CEP164: variants seen among roughly 807,000 people sequenced by gnomAD.
CEP164 encodes the protein centrosomal protein of 164 kDa.
CEP164 carries 162 observed loss-of-function variants against 182.7 expected under a neutral mutation model. The observed-to-expected ratio is 0.89, with a 90% CI of 0.78 to 1.01. CEP164 has a LOEUF of 1.01. Among genes scored for constraint, CEP164 ranks in the 50% least tolerant of loss-of-function variants. The probability of loss-of-function intolerance (pLI) is 0.00; values close to 1 mark genes in which losing one functional copy is unlikely to be tolerated. For synonymous variants in CEP164, 661 were observed against 690.0 expected, an observed-to-expected ratio of 0.96 and a Z score of 0.66; for missense variants, 1,735 against 1,790.4, an observed-to-expected ratio of 0.97 and a Z score of 0.56.
Position 117,338,673 on chromosome 11 carries a change from C to T in CEP164, c.82+5C>T, listed in dbSNP as rs1280373742. 33 of 1,607,758 alleles carry T rather than the reference C, an allele frequency of 2.1e-5. No homozygotes were observed. The highest frequency in any genetic ancestry group is 2.8e-5 in the Non-Finnish European group (33 of 1,174,324). ...CCTACATTCCTAGTGAGCAAGGTAA[C>T]AAGTCTGTGAAGAGGCCTGTGGTGT... On this transcript the variant is annotated splice_donor_5th_base_variant and intron_variant, in intron 3 of 32. Coordinates refer to ENST00000278935, the MANE Select transcript of CEP164 (RefSeq NM_014956.5).
intron 27 of CEP164, among the ~76,000 whole-genome samples, chr11:117,405,434 G>A (rs2046566327): frequency 6.6e-6 from 1 of 152,098 alleles, no homozygotes. Flanking sequence ...GTGCTTCGTG[G>A]GTGAGGCGAC....
chr11:117,371,157 C>T lies in CEP164; in HGVS notation c.843C>T (p.Pro281=). Residue 281 remains proline, a synonymous_variant, in exon 9 of 33, where the codon CCC becomes CCT. Transcript: ENST00000278935. ...CAGATGCTGCCGGTCCCCCTACTCC[C>T]TGCAAGCCCTCCAGCCCAGGTGCAG... ...LDSDAAGPPT[P]CKPSSPGADS... is the part of the protein sequence containing the mutation. 6.2e-7 allele frequency: 1 copy of T among 1,614,156 alleles called. No homozygotes were observed. Among genetic ancestry groups the T allele is most frequent in the Non-Finnish European group, 8.5e-7 (1 of 1,179,994 alleles).
chr11:117,340,498 G>A (rs1452048623), intron 3 of CEP164, among the ~76,000 whole-genome samples: 1 of 152,160 alleles, frequency 6.6e-6, no homozygotes, highest in Non-Finnish European at 1.5e-5. Flanking sequence ...CATGTTAAAT[G>A]CTGGACTTTG....
At chr11:117,338,159 T>C (rs1440234759) in intron 2 of CEP164, among the ~76,000 whole-genome samples, 2 of 152,100 alleles carry the variant, frequency 1.3e-5, no homozygotes, top group Non-Finnish European at 2.9e-5. Context: ...CAGATGGGCA[T>C]ATGTGTTGAG....
intron 1 of CEP164, among the ~76,000 whole-genome samples, chr11:117,331,750 AT>A (rs34206351): frequency 0.11 from 15,321 of 141,870 alleles, 982 homozygotes; most frequent in Non-Finnish European, 0.16. Context: ...TTGCTGGTGT[AT>A]TTTTTTTTTT....
upstream of CEP164, among the ~76,000 whole-genome samples, chr11:117,323,662 G>A (rs1184447127): frequency 6.6e-6 from 1 of 152,016 alleles, no homozygotes; most frequent in Non-Finnish European, 1.5e-5. Context: ...ATTTTTTGAG[G>A]AACCACCATA....
chr11:117,369,575 A>G (rs1461745004), intron 8 of CEP164, among the ~76,000 whole-genome samples: 1 of 152,218 alleles, frequency 6.6e-6, no homozygotes, highest in East Asian at 1.9e-4. Context: ...AATAAATGCC[A>G]TGCTTAGGGC....
intron 7 of CEP164, 104 bp from the exon 8 acceptor site, chr11:117,363,325 C>A: frequency 2.6e-6 from 2 of 762,858 alleles, no homozygotes; most frequent in Non-Finnish European, 2.2e-6. Flanking sequence ...CTGCCTGGGC[C>A]CGCCTGTCAG....
chr11:117,324,432 C>A (rs1264445648), upstream of CEP164, among the ~76,000 whole-genome samples: 1 of 148,632 alleles, frequency 6.7e-6, no homozygotes, highest in African/African-American at 2.5e-5. Flanking sequence ...GGGCAACAAA[C>A]TCCCTCTCAA....
At position 117,392,474 on chromosome 11, in the gene CEP164, G is replaced by C. The variant is rs539051934; in HGVS notation, c.2362-22G>C. On this transcript the variant is annotated intron_variant, in intron 18 of 32. Coordinates refer to ENST00000278935, the MANE Select transcript of CEP164 (RefSeq NM_014956.5). ...GTCTGTCTGAGGGTCACACTCCCCT[G>C]TGTGTGCGGGGGCCTCCTCAGGTGG... is the stretch of plus-strand genomic sequence containing the variant. 5.6e-6 allele frequency: 9 copies of C among 1,609,054 alleles called. No homozygotes were observed. In the East Asian group the frequency reaches 6.7e-5, roughly 12 times the overall value.
At chr11:117,359,650 A>G in intron 5 of CEP164, 1 of 940,356 alleles carries the variant, frequency 1.1e-6, no homozygotes, top group Non-Finnish European at 1.3e-6. Context: ...GAGGATTGGA[A>G]TTTTTGTGTC....
Position 117,387,313 on chromosome 11 carries a change from A to T in CEP164, c.1835A>T (p.Glu612Val). 6.2e-7 allele frequency: 1 copy of T among 1,614,224 alleles called. No homozygotes were observed. The highest frequency in any genetic ancestry group is 2.2e-5 in the East Asian group (1 of 44,884). Residue 612 changes from glutamate (E) to valine (V), a missense_variant, in exon 15 of 33, where the codon GAA (glutamate) becomes GTA (valine). Coordinates refer to ENST00000278935, the MANE Select transcript of CEP164 (RefSeq NM_014956.5). ...VLEQDQRHLLESKQEKMQQLR... is the reference protein window; with the variant it reads ...VLEQDQRHLLVSKQEKMQQLR... ...GAGCAAGACCAGAGGCACCTGCTGG[A>T]ATCCAAGCAAGAGAAGATGCAGCAA... is the stretch of plus-strand genomic sequence containing the variant.
chr11:117,402,412 G>A (rs1406793800), intron 27 of CEP164, among the ~76,000 whole-genome samples: 1 of 151,840 alleles, frequency 6.6e-6, no homozygotes, highest in Non-Finnish European at 1.5e-5. Context: ...GTAGAGGCGG[G>A]GTTTCACCAT....
At position 117,409,161 on chromosome 11, in the gene CEP164, TC is replaced by T. The variant is rs926797547; in HGVS notation, c.3748+134del. The T allele has an allele frequency of 3.3e-6, 4 of 1,219,634 alleles. No homozygotes were observed. The African/African-American group carries it at 6.0e-5, about 18-fold the overall frequency. The allele number at this position is 1,219,634 out of a possible 1,614,324, so 75.6% of individuals were successfully genotyped here. A position where few individuals can be genotyped will look rare whatever the true frequency, so the allele number is the denominator to read the frequency against. On this transcript the variant is annotated intron_variant, in intron 29 of 32. Transcript: ENST00000278935. The surrounding 1 kb of genome is among the most constrained non-coding windows in gnomAD (Gnocchi z 4.4). Reference sequence around the variant, plus strand: ...GTGAGCCGGTGTCTGGACTAGGTGCTCGGTCAGTGCTGGGAAGGAATCACAC... The same window carrying T: ...GTGAGCCGGTGTCTGGACTAGGTGCTGGTCAGTGCTGGGAAGGAATCACAC...
rs1337498052 is a variant in CEP164, at chr11:117,393,218, C to A, written c.2616+92C>A. On this transcript the variant is annotated intron_variant, in intron 20 of 32. Transcript: ENST00000278935. The stretch of plus-strand genomic sequence containing the variant: ...ACACATGCACACACACATGCACGCA[C>A]ATGCACACACACCCCGGGGTCCTTC... 3.3e-6 allele frequency: 5 copies of A among 1,508,426 alleles called. No individual in the cohort carries two copies. The African/African-American group carries it at 6.8e-5, about 21-fold the overall frequency. The allele number at this position is 1,508,426 out of a possible 1,614,324, so 93.4% of individuals were successfully genotyped here. A position where few individuals can be genotyped will look rare whatever the true frequency, so the allele number is the denominator to read the frequency against.
intron 25 of CEP164, 125 bp downstream of exon 25, chr11:117,396,305 G>A: frequency 8.7e-7 from 1 of 1,152,876 alleles, no homozygotes; most frequent in Non-Finnish European, 1.3e-6. Flanking sequence ...GCCTCAGGAG[G>A]GGAGGAGTAT....
intron 27 of CEP164, among the ~76,000 whole-genome samples, chr11:117,407,457 CAAAAAAAAA>C (rs1232486465): frequency 1.4e-5 from 1 of 69,010 alleles, no homozygotes; most frequent in African/African-American, 5.2e-5. Context: ...TCTGTCTCTA[CAAAAAAAAA>C]AAAAAAAAAA....
chr11:117,411,883 AG>A lies in CEP164; in HGVS notation c.4254del (p.Arg1418SerfsTer25), dbSNP rs1165239072. 1 of 1,614,118 alleles carries A rather than the reference AG, an allele frequency of 6.2e-7. No homozygotes were observed. The highest frequency in any genetic ancestry group is 1.1e-5 in the South Asian group (1 of 91,074). On this transcript the variant is annotated frameshift_variant, in exon 32 of 33. Coordinates refer to ENST00000278935, the MANE Select transcript of CEP164 (RefSeq NM_014956.5). LOFTEE classifies it low-confidence loss of function (END_TRUNC). The surrounding 1 kb of genome is among the most constrained non-coding windows in gnomAD (Gnocchi z 4.4). ...TFQGIIEANRRWLERVKNDPR... is the reference protein window; with the variant it reads ...TFQGIIEANRXWLERVKNDPR... ...TCAGGGCATAATTGAGGCCAACCGG[AG>A]GTGGCTGGAACGTGTCAAGAATGAC...
Position 117,407,951 on chromosome 11 carries a change from G to A in CEP164, c.3528G>A (p.Lys1176=), listed in dbSNP as rs1198927286. 6.3e-7 allele frequency: 1 copy of A among 1,599,480 alleles called. No individual in the cohort carries two copies. The highest frequency in any genetic ancestry group is 8.5e-7 in the Non-Finnish European group (1 of 1,173,038). ...EKETRHLDEM[K]SAMRKGHNLL... ...AGACCAGGCACCTGGATGAGATGAA[G>A]TCGGCCATGCGGAAAGGCCACAACC... is the stretch of plus-strand genomic sequence containing the variant. Residue 1176 remains lysine (K), a synonymous_variant, in exon 28 of 33, where the codon AAG becomes AAA. Coordinates refer to ENST00000278935, the MANE Select transcript of CEP164 (RefSeq NM_014956.5).
Sources: allele counts gnomAD v4.1 joint callset (sites outside exome capture counted in the v4.1 genomes callset), GRCh38; gene constraint gnomAD v4.1.1; non-coding constraint Gnocchi (gnomAD v3.1); transcripts MANE v1.5; gene names NCBI Gene and HGNC (gene_info 2026-07-23, HGNC 2026-07-21).